The following AFAP1L1 variants were observed in gnomAD, a reference collection of about 807,000 sequenced individuals.
AFAP1L1 encodes the protein actin filament associated protein 1 like 1.
In AFAP1L1, 77 loss-of-function variants were observed where a neutral mutation model predicts 99.8. The observed-to-expected ratio is 0.77, with a 90% confidence interval of 0.64 to 0.93. The LOEUF is 0.93. Ranked by LOEUF, AFAP1L1 falls within the 40% of genes least tolerant of loss-of-function variation. The pLI is 0.00. For missense variants in AFAP1L1, 893 were observed against 996.8 expected, an observed-to-expected ratio of 0.90 and a Z score of 1.40; for synonymous variants, 373 against 395.3, an observed-to-expected ratio of 0.94 and a Z score of 0.67.
intron 7 of AFAP1L1, among the ~76,000 whole-genome samples, chr5:149,308,556 T>G (rs1271187768): frequency 6.6e-6 from 1 of 152,112 alleles, no homozygotes; most frequent in Non-Finnish European, 1.5e-5. Flanking sequence ...TAAACATAAT[T>G]TCAGAAAAAG....
At chr5:149,301,739 C>A (rs1233421721) in intron 4 of AFAP1L1, among the ~76,000 whole-genome samples, 2 of 152,156 alleles carry the variant, frequency 1.3e-5, no homozygotes, top group African/African-American at 4.8e-5. Context: ...AACCTTGGGG[C>A]CATGGAATTA....
intron 1 of AFAP1L1, among the ~76,000 whole-genome samples, chr5:149,275,966 C>T (rs1755308156): frequency 6.6e-6 from 1 of 152,202 alleles, no homozygotes. Flanking sequence ...AAATTCAGTC[C>T]ATAACAACAA....
chr5:149,315,990 A>G (rs1025904369), intron 10 of AFAP1L1, 76 bp downstream of exon 10: 39 of 1,596,298 alleles, frequency 2.4e-5, no homozygotes, highest in Non-Finnish European at 3.3e-5. Flanking sequence ...ACAGCGGCAG[A>G]GCAGGTTCTG....
At chr5:149,275,772 C>T (rs1213076376) in intron 1 of AFAP1L1, among the ~76,000 whole-genome samples, 1 of 152,172 alleles carries the variant, frequency 6.6e-6, no homozygotes, top group Non-Finnish European at 1.5e-5. Flanking sequence ...TCCCAAAGTG[C>T]TGGGATTACA....
chr5:149,305,477 C>G (rs1158680550), intron 5 of AFAP1L1, among the ~76,000 whole-genome samples: 1 of 152,120 alleles, frequency 6.6e-6, no homozygotes, highest in Non-Finnish European at 1.5e-5. Context: ...ATTAAATAGT[C>G]ATTTTTTAAT....
Position 149,335,687 on chromosome 5 carries a change from G to A in AFAP1L1, c.2248G>A (p.Ala750Thr), listed in dbSNP as rs747696538. 1.9e-5 allele frequency: 30 copies of A among 1,613,884 alleles called. No individual in the cohort carries two copies. The highest frequency in any genetic ancestry group is 2.5e-5 in the Non-Finnish European group (30 of 1,180,026). ...ELRKRSPSIVASNQGRVLQKA... is the reference protein window; with the variant it reads ...ELRKRSPSIVTSNQGRVLQKA... Reference sequence around the variant, plus strand: ...GAGGAAGAGGAGCCCATCCATCGTAGCCTCCAACCAAGGAAGGGTGCTACA... The same window carrying A: ...GAGGAAGAGGAGCCCATCCATCGTAACCTCCAACCAAGGAAGGGTGCTACA... The change falls in exon 18 of 19, where the codon GCC (alanine) becomes ACC (threonine). Residue 750 changes from alanine to threonine, a missense_variant. Transcript: ENST00000296721.
At chr5:149,317,630 A>G in intron 11 of AFAP1L1, 99 bp from the exon 12 acceptor site, 1 of 1,255,204 alleles carries the variant, frequency 8.0e-7, no homozygotes, top group South Asian at 1.4e-5. Context: ...GCTGACCAGG[A>G]CCCCGAGGCC....
rs985906920 is a variant in AFAP1L1 at position 149,340,196 on chromosome 5, G to A, written c.*166G>A. The A allele has an allele frequency of 1.5e-6, 1 of 683,438 alleles. No individual in the cohort carries two copies. Among genetic ancestry groups the A allele is most frequent in the South Asian group, 1.9e-5 (1 of 52,258 alleles). The allele number at this position is 683,438 out of a possible 1,614,324, so 42.3% of individuals were successfully genotyped here. On this transcript the variant is annotated 3_prime_UTR_variant, in exon 19 of 19. Coordinates refer to ENST00000296721, the MANE Select transcript of AFAP1L1 (RefSeq NM_152406.4). ...GTCTGCATGATTTTAGGGGATATGG[G>A]GAGGGAACAAGTAGAAGGGAAGAGG...
intron 7 of AFAP1L1, among the ~76,000 whole-genome samples, chr5:149,308,098 G>A (rs1561673060): frequency 2.6e-5 from 4 of 151,956 alleles, no homozygotes; most frequent in African/African-American, 4.8e-5. Flanking sequence ...GCAGTGAACC[G>A]AGATCATACC....
chr5:149,293,432 A>C (rs1755921864), intron 1 of AFAP1L1, among the ~76,000 whole-genome samples: 1 of 152,236 alleles, frequency 6.6e-6, no homozygotes, highest in African/African-American at 2.4e-5. Flanking sequence ...ACTTAACACA[A>C]AATACTTTTT....
rs143507103 is a variant in AFAP1L1, at chr5:149,330,800, ATTAT to A, written c.1975+976_1975+979del. On this transcript the variant is annotated intron_variant, in intron 16 of 18. Transcript: ENST00000296721. ...ACATATCAGATTATTTATTATATTT[ATTAT>A]TTATTGTTTGCCACAGACACACAAA... is the stretch of plus-strand genomic sequence containing the variant. Among the ~76,000 whole-genome samples the A allele has an allele frequency of 7.9e-3, 1,198 of 152,242 alleles. 12 individuals are homozygous for A. Among genetic ancestry groups the A allele is most frequent in the African/African-American group, 0.027 (1,137 of 41,538 alleles).
rs58940797 is a variant in AFAP1L1 at position 149,315,180 on chromosome 5, A to C, written c.1021-641A>C. Among the ~76,000 whole-genome samples, 896 of 152,218 alleles carry C rather than the reference A, an allele frequency of 5.9e-3. 7 individuals are homozygous for C. The highest frequency in any genetic ancestry group is 0.021 in the African/African-American group (855 of 41,538). ...AGAGTTGGTGTCATGAGTAAAACTAATTTGGGCTGGCAATGAAATTGTTGA... is the reference window on the plus strand; with the variant it reads ...AGAGTTGGTGTCATGAGTAAAACTACTTTGGGCTGGCAATGAAATTGTTGA... On this transcript the variant is annotated intron_variant, in intron 9 of 18. Transcript: ENST00000296721.
intron 1 of AFAP1L1, among the ~76,000 whole-genome samples, chr5:149,279,781 C>T (rs1279771393): frequency 6.6e-6 from 1 of 151,746 alleles, no homozygotes; most frequent in Non-Finnish European, 1.5e-5. Flanking sequence ...CTCCTTGCAG[C>T]TTTGAATATT....
At chr5:149,310,604 T>G (rs1375314083) in intron 8 of AFAP1L1, among the ~76,000 whole-genome samples, 1 of 152,198 alleles carries the variant, frequency 6.6e-6, no homozygotes, top group Non-Finnish European at 1.5e-5. Context: ...AGCACTTACT[T>G]TGTACCATGC....
At chr5:149,328,375 A>G (rs1437768394) in intron 15 of AFAP1L1, among the ~76,000 whole-genome samples, 1 of 152,240 alleles carries the variant, frequency 6.6e-6, no homozygotes, top group Non-Finnish European at 1.5e-5. Flanking sequence ...TGGCCCAGCT[A>G]GAGCAGTATT....
intron 1 of AFAP1L1, among the ~76,000 whole-genome samples, chr5:149,287,454 C>G (rs977483209): frequency 5.9e-5 from 9 of 151,814 alleles, no homozygotes; most frequent in Non-Finnish European, 1.3e-4. Flanking sequence ...TGTGCTTACT[C>G]CATTATCAAA....
At chr5:149,297,943 A>G (rs1756068406) in intron 1 of AFAP1L1, among the ~76,000 whole-genome samples, 1 of 152,236 alleles carries the variant, frequency 6.6e-6, no homozygotes, top group South Asian at 2.1e-4. Context: ...GGCCCTTTGC[A>G]TGTCTGGTGT....
intron 15 of AFAP1L1, among the ~76,000 whole-genome samples, chr5:149,325,157 T>C (rs2127601600): frequency 6.6e-6 from 1 of 152,292 alleles, no homozygotes; most frequent in South Asian, 2.1e-4. Flanking sequence ...GTCTGGAAAT[T>C]TTCCTAAGGG....
intron 8 of AFAP1L1, among the ~76,000 whole-genome samples, chr5:149,311,353 T>C (rs17109937): frequency 0.046 from 6,967 of 152,268 alleles, 390 homozygotes; most frequent in East Asian, 0.13. Flanking sequence ...AAAAGAGACT[T>C]GCCTTGACAT....
Sources: gnomAD v4.1 joint callset for allele counts (sites outside exome capture counted in the v4.1 genomes callset) on GRCh38, gnomAD v4.1.1 for gene constraint, MANE v1.5 for transcripts, NCBI Gene and HGNC (gene_info 2026-07-23, HGNC 2026-07-21) for gene names.